PABPC1: variants seen among roughly 807,000 people sequenced by gnomAD.
PABPC1 encodes the protein polyadenylate-binding protein 1.
In PABPC1, 4 loss-of-function variants were observed where a neutral mutation model predicts 74.0. The observed-to-expected ratio is 0.05, with a 90% CI of 0.03 to 0.12. PABPC1 has a LOEUF of 0.12. Among genes scored for constraint, PABPC1 ranks in the 10% least tolerant of loss-of-function variants. The pLI is 1.00. For synonymous variants in PABPC1, 227 were observed against 264.1 expected, an observed-to-expected ratio of 0.86 and a Z score of 1.36; for missense variants, 271 against 821.1, an observed-to-expected ratio of 0.33 and a Z score of 8.19.
At chr8:100,704,767 A>T (rs1450145966) in intron 13 of PABPC1, among the ~76,000 whole-genome samples, 159 bp downstream of exon 13, 1 of 152,234 alleles carries the variant, frequency 6.6e-6, no homozygotes, top group Non-Finnish European at 1.5e-5. Flanking sequence ...TTACCTATCT[A>T]TAAAATGGGG....
intron 9 of PABPC1, 97 bp downstream of exon 9, chr8:100,709,036 G>T: frequency 3.3e-6 from 3 of 920,928 alleles, no homozygotes; most frequent in South Asian, 2.8e-5. Context: ...TATGTGAAAT[G>T]CAATAGTTAA....
intron 6 of PABPC1, 48 bp from the exon 7 acceptor site, chr8:100,712,505 C>G: frequency 6.8e-7 from 1 of 1,472,694 alleles, no homozygotes; most frequent in Non-Finnish European, 9.3e-7. Context: ...CATGGTGGTA[C>G]CTAAGTACAT....
Position 100,721,125 on chromosome 8 carries a change from T to C in PABPC1, c.193+266A>G, listed in dbSNP as rs1810814292. 6.6e-6 allele frequency among the ~76,000 whole-genome samples: 1 copy of C among 152,082 alleles called. No individual in the cohort carries two copies. The highest frequency in any genetic ancestry group is 2.4e-5 in the African/African-American group (1 of 41,414). On this transcript the variant is annotated intron_variant, in intron 1 of 14. Coordinates refer to ENST00000318607, the MANE Select transcript of PABPC1 (RefSeq NM_002568.4). The surrounding 1 kb of genome is among the most constrained non-coding windows in gnomAD (Gnocchi z 7.4). ...GAATCTCACCCACCCTCCCGGCGCG[T>C]CATCACCCTAAAGTTTGAGAGCGTC...
At chr8:100,712,920 T>C (rs1011985724) in intron 5 of PABPC1, 131 bp from the exon 6 acceptor site, 27 of 1,217,260 alleles carry the variant, frequency 2.2e-5, no homozygotes, top group Admixed American at 3.1e-5. Flanking sequence ...TCTCAAGGTT[T>C]TGGGACAATA....
chr8:100,710,397 G>A (rs1218815963), intron 7 of PABPC1, among the ~76,000 whole-genome samples: 2 of 152,086 alleles, frequency 1.3e-5, no homozygotes, highest in Non-Finnish European at 2.9e-5. Flanking sequence ...AGGAACAAAC[G>A]GTAATAAAAC....
rs1281030922 is a variant in PABPC1, at chr8:100,704,142, T to C, written c.*1+155A>G. The C allele has an allele frequency of 1.1e-5, 7 of 627,460 alleles. No homozygotes were observed. The East Asian group carries it at 1.9e-4, about 17-fold the overall frequency. The allele number at this position is 627,460 out of a possible 1,614,324, so 38.9% of individuals were successfully genotyped here. A position where few individuals can be genotyped will look rare whatever the true frequency, so the allele number is the denominator to read the frequency against. ...ACGGGTAAAATTCCTTTAATTCCTC[T>C]ATAGTTAGTTCCACTTTTCCTTGAA... is the stretch of plus-strand genomic sequence containing the variant. On this transcript the variant is annotated intron_variant, in intron 14 of 14. Coordinates refer to ENST00000318607, the MANE Select transcript of PABPC1 (RefSeq NM_002568.4).
intron 7 of PABPC1, 177 bp from the exon 8 acceptor site, chr8:100,709,908 G>C (rs1431641612): frequency 4.5e-6 from 3 of 668,360 alleles, no homozygotes; most frequent in Non-Finnish European, 7.4e-6. Flanking sequence ...AATTATTAAG[G>C]GCAAACTACA....
chr8:100,707,191 C>T (rs948890031), intron 9 of PABPC1, 194 bp from the exon 10 acceptor site: 2 of 482,180 alleles, frequency 4.1e-6, no homozygotes, highest in South Asian at 4.1e-5. Context: ...CATACAAGGA[C>T]GAGTACTTAT....
At chr8:100,710,906 G>C (rs552180613) in intron 7 of PABPC1, among the ~76,000 whole-genome samples, 14 of 152,220 alleles carry the variant, frequency 9.2e-5, no homozygotes, top group African/African-American at 3.4e-4. Flanking sequence ...AAAACTGCTT[G>C]AACCCAGGGG....
At position 100,707,859 on chromosome 8, in the gene PABPC1, C is replaced by A. The variant is rs186742547; in HGVS notation, c.1337-862G>T. Among the ~76,000 whole-genome samples the A allele has an allele frequency of 2.3e-3, 346 of 152,352 alleles. 1 individual carries two copies. The highest frequency in any genetic ancestry group is 4.1e-3 in the Non-Finnish European group (279 of 68,040). Reference sequence around the variant, plus strand: ...TGCTAGACCTCGGTCCGCCTGGCAACGGGCGTCTTCCCAGACGCTGGCGTT... The same window carrying A: ...TGCTAGACCTCGGTCCGCCTGGCAAAGGGCGTCTTCCCAGACGCTGGCGTT... On this transcript the variant is annotated intron_variant, in intron 9 of 14. Transcript: ENST00000318607.
At chr8:100,704,236 C>A in intron 14 of PABPC1, 61 bp downstream of exon 14, 1 of 1,299,024 alleles carries the variant, frequency 7.7e-7, no homozygotes, top group Non-Finnish European at 1.1e-6. Context: ...ATATGCTCAA[C>A]AAACTTTATA....
chr8:100,709,518 C>T lies in PABPC1; in HGVS notation c.1186G>A (p.Val396Ile). ...GGTGCTGGCTGGTAGGGGTTGATTA[C>T]AGGGTTGGGAACAGCTCGTACACTT... is the stretch of plus-strand genomic sequence containing the variant. ...MASVRAVPNP[V>I]INPYQPAPPS... The change falls in exon 8 of 15, where the codon GTA (valine) becomes ATA (isoleucine). Residue 396 changes from valine to isoleucine, a missense_variant. Transcript: ENST00000318607. 1 of 1,614,214 alleles carries T rather than the reference C, an allele frequency of 6.2e-7. No homozygotes were observed. The highest frequency in any genetic ancestry group is 1.7e-5 in the Admixed American group (1 of 60,022).
intron 1 of PABPC1, among the ~76,000 whole-genome samples, chr8:100,720,464 A>G (rs1334102732): frequency 6.6e-6 from 1 of 152,236 alleles, no homozygotes; most frequent in African/African-American, 2.4e-5. Context: ...TACAGATAAG[A>G]CTGGTCCAGT....
intron 1 of PABPC1, among the ~76,000 whole-genome samples, chr8:100,720,049 A>C (rs1810774504): frequency 2.0e-5 from 3 of 152,242 alleles, no homozygotes. Flanking sequence ...CCTAAGTTCT[A>C]CTGAATGAAT....
At chr8:100,708,736 C>A (rs1035012939) in intron 9 of PABPC1, among the ~76,000 whole-genome samples, 19 of 152,044 alleles carry the variant, frequency 1.2e-4, no homozygotes, top group African/African-American at 4.6e-4. Flanking sequence ...GTTAGCTGGG[C>A]GTGGTGGCGG....
rs1554594678 is a variant in PABPC1, at chr8:100,704,054, C to CCA, written c.*1+242_*1+243insTG. On this transcript the variant is annotated intron_variant, in intron 14 of 14. Transcript: ENST00000318607. ...TGGGCGACAGAACGAAACTCCATCTCAAAAAAAAAAAAAAAAAAAAACACC... is the reference window on the plus strand; with the variant it reads ...TGGGCGACAGAACGAAACTCCATCTCCAAAAAAAAAAAAAAAAAAAAAACACC... 3 of 177,854 alleles carry CCA rather than the reference C, an allele frequency of 1.7e-5. No homozygotes were observed. In the Admixed American group the frequency reaches 2.6e-4, roughly 16 times the overall value. 11.0% of individuals were successfully genotyped at this position (177,854 alleles called of 1,614,324 possible). A position where few individuals can be genotyped will look rare whatever the true frequency, so the allele number is the denominator to read the frequency against.
At position 100,712,725 on chromosome 8, in the gene PABPC1, T is replaced by C. The variant is rs1200063405; in HGVS notation, c.803A>G (p.Lys268Arg). The C allele has an allele frequency of 1.2e-6, 2 of 1,613,766 alleles. No individual in the cohort carries two copies. Among genetic ancestry groups the C allele is most frequent in the African/African-American group, 1.3e-5 (1 of 74,984 alleles). The change falls in exon 6 of 15, where the codon AAA (lysine) becomes AGA (arginine). Residue 268 changes from lysine (K) to arginine (R), a missense_variant. Lys to Arg is a conservative substitution (Grantham distance 26). This residue lies in a region of PABPC1 where 78 missense variants were observed against 202.8 expected (regional missense o/e 0.38). Coordinates refer to ENST00000318607, the MANE Select transcript of PABPC1 (RefSeq NM_002568.4). Reference protein sequence around the residue: ...GKQIYVGRAQKKVERQTELKR... With the variant: ...GKQIYVGRAQRKVERQTELKR... Reference sequence around the variant, plus strand: ...AAGTTCCGTCTGCCGTTCCACCTTTTTCTGAGCTCGACCAACATAAATTTG... The same window carrying C: ...AAGTTCCGTCTGCCGTTCCACCTTTCTCTGAGCTCGACCAACATAAATTTG...
chr8:100,713,040 AAC>A (rs1810571570), intron 5 of PABPC1, 45 bp downstream of exon 5: 2 of 1,319,850 alleles, frequency 1.5e-6, no homozygotes, highest in East Asian at 4.6e-5. Context: ...ACACAAGAGC[AAC>A]TCAACTTTGT....
intron 3 of PABPC1, among the ~76,000 whole-genome samples, chr8:100,717,132 TC>T (rs1810692154): frequency 6.6e-6 from 1 of 152,160 alleles, no homozygotes; most frequent in Non-Finnish European, 1.5e-5. Context: ...TGCCTCAGCC[TC>T]CCGAGTAGCT....
Sources: allele counts gnomAD v4.1 joint callset (sites outside exome capture counted in the v4.1 genomes callset), GRCh38; gene constraint gnomAD v4.1.1; regional missense constraint gnomAD v4.1.1; non-coding constraint Gnocchi (gnomAD v3.1); transcripts MANE v1.5; gene names NCBI Gene and HGNC (gene_info 2026-07-23, HGNC 2026-07-21).